Variants in URB1 observed in about 807,000 individuals in gnomAD.
URB1 encodes nucleolar pre-ribosomal-associated protein 1.
Under a neutral mutation model 242.3 loss-of-function variants are expected in URB1, and 197 were observed. The ratio of observed to expected loss-of-function variants is 0.81; its 90% CI spans 0.72 to 0.91. URB1 has a LOEUF of 0.91. Among genes scored for constraint, URB1 ranks in the 40% least tolerant of loss-of-function variants. The probability of loss-of-function intolerance (pLI) is 0.00; values close to 1 mark genes in which losing one functional copy is unlikely to be tolerated. For missense variants in URB1, 2,721 were observed against 2,860.5 expected (o/e 0.95, Z 1.11); for synonymous variants, 1,153 against 1,201.8 (o/e 0.96, Z 0.84).
chr21:32,358,774 C>T (rs2033252399), intron 14 of URB1, among the ~76,000 whole-genome samples: 1 of 152,190 alleles, frequency 6.6e-6, no homozygotes, highest in Admixed American at 6.5e-5. Flanking sequence ...CTCCCCAGGA[C>T]TGGTGGCAAT....
chr21:32,341,068 C>A (rs748511067), intron 25 of URB1, among the ~76,000 whole-genome samples: 4 of 151,198 alleles, frequency 2.6e-5, no homozygotes, highest in Non-Finnish European at 5.9e-5. Context: ...TGTTTAACAA[C>A]ATACTAACAC....
intron 8 of URB1, among the ~76,000 whole-genome samples, chr21:32,371,654 A>C (rs1390977297): frequency 6.6e-6 from 1 of 152,218 alleles, no homozygotes; most frequent in African/African-American, 2.4e-5. Context: ...ATTAGAAGTA[A>C]ATCAAACTGC....
chr21:32,361,018 T>C lies in URB1; in HGVS notation c.1745A>G (p.Lys582Arg), dbSNP rs2033276675. 2 of 1,549,278 alleles carry C rather than the reference T, an allele frequency of 1.3e-6. No homozygotes were observed. Among genetic ancestry groups the C allele is most frequent in the African/African-American group, 1.4e-5 (1 of 72,824 alleles). ...ACCTTGAAACCCACCTTTCAGGAGC[T>C]TGCTGAAGTCAAAGTTGTACTGCAT... ...VVMQYNFDFS[K>R]LLKGVISEQG... Residue 582 changes from lysine to arginine, a missense_variant, in exon 13 of 39, where the codon AAG becomes AGG. Transcript: ENST00000382751.
At position 32,317,923 on chromosome 21, in the gene URB1, T is replaced by C; in HGVS notation, c.5793-6A>G. On this transcript the variant is annotated splice_region_variant and splice_polypyrimidine_tract_variant and intron_variant, in intron 36 of 38. Coordinates refer to ENST00000382751, the MANE Select transcript of URB1 (RefSeq NM_014825.3). ...GGACGGGGGCCAAGGTGGGCCTGTTTGGGAGTCAATGTTACAGACTGAGCA... is the reference window on the plus strand; with the variant it reads ...GGACGGGGGCCAAGGTGGGCCTGTTCGGGAGTCAATGTTACAGACTGAGCA... 2 of 1,551,454 alleles carry C rather than the reference T, an allele frequency of 1.3e-6. No homozygotes were observed. Among genetic ancestry groups the C allele is most frequent in the Non-Finnish European group, 1.7e-6 (2 of 1,146,938 alleles).
At chr21:32,379,364 T>C (rs1051774068) in intron 4 of URB1, among the ~76,000 whole-genome samples, 1 of 152,256 alleles carries the variant, frequency 6.6e-6, no homozygotes, top group Non-Finnish European at 1.5e-5. Context: ...CCCAGCACTA[T>C]TCTCTACTTC....
chr21:32,323,548 A>G (rs2032792578), intron 32 of URB1, among the ~76,000 whole-genome samples: 1 of 152,270 alleles, frequency 6.6e-6, no homozygotes, highest in Non-Finnish European at 1.5e-5. Context: ...TGCAGTACTC[A>G]CATACCAAAA....
intron 1 of URB1, 144 bp from the exon 2 acceptor site, chr21:32,385,828 T>C (rs1290432087): frequency 8.3e-7 from 1 of 1,199,636 alleles, no homozygotes; most frequent in Admixed American, 3.0e-5. Flanking sequence ...TGCTATCAAC[T>C]TAACTGTTTC....
At chr21:32,364,999 C>T (rs999687535) in intron 10 of URB1, among the ~76,000 whole-genome samples, 5 of 152,236 alleles carry the variant, frequency 3.3e-5, no homozygotes, top group East Asian at 1.9e-4. Flanking sequence ...GAGACTCCTT[C>T]CTTGGAGCCA....
At chr21:32,363,458 T>C in intron 10 of URB1, 129 bp from the exon 11 acceptor site, 3 of 1,198,114 alleles carry the variant, frequency 2.5e-6, no homozygotes, top group Admixed American at 2.5e-5. Context: ...TGCTGGTCTC[T>C]ACGCTCTGAG....
rs184808667 is a variant in URB1 at position 32,322,486 on chromosome 21, C to T, written c.5332G>A (p.Asp1778Asn). 2.3e-5 allele frequency: 35 copies of T among 1,552,126 alleles called. No individual in the cohort carries two copies. The Middle Eastern group carries it at 2.2e-3, about 96-fold the overall frequency. Residue 1778 changes from aspartate to asparagine, a missense_variant, in exon 33 of 39, where the codon GAC (aspartate) becomes AAC (asparagine). Transcript: ENST00000382751. ...PGFYQFFYSS[D>N]FEQKTEQKWV... is the part of the protein sequence containing the mutation. ...GGACTCTGGAAGCATACCTCAAAGT[C>T]GGAGCTGTAGAAGAACTGGTAGAAG...
At chr21:32,374,267 T>A (rs2033435863) in intron 6 of URB1, among the ~76,000 whole-genome samples, 1 of 152,196 alleles carries the variant, frequency 6.6e-6, no homozygotes, top group Non-Finnish European at 1.5e-5. Context: ...CTTCATTGCA[T>A]CTGACTTTGG....
intron 30 of URB1, among the ~76,000 whole-genome samples, chr21:32,327,171 GAA>G (rs1311656642): frequency 1.3e-5 from 2 of 151,924 alleles, no homozygotes; most frequent in African/African-American, 4.8e-5. Flanking sequence ...ATATATAAAA[GAA>G]AATCACACGA....
chr21:32,384,174 G>A, intron 3 of URB1, 139 bp downstream of exon 3: 8 of 1,085,952 alleles, frequency 7.4e-6, no homozygotes, highest in East Asian at 2.6e-5. Flanking sequence ...GAAGGGGGCA[G>A]AGACTCGGTC....
Position 32,378,560 on chromosome 21 carries a change from C to T in URB1, c.568-19G>A. 6.5e-7 allele frequency: 1 copy of T among 1,542,720 alleles called. No homozygotes were observed. Among genetic ancestry groups the T allele is most frequent in the Non-Finnish European group, 8.8e-7 (1 of 1,138,908 alleles). The stretch of plus-strand genomic sequence containing the variant: ...ACACTCCCTAGAGGACAAAGGAGAC[C>T]TACATGTCACATGCATATTCCACAT... On this transcript the variant is annotated intron_variant, in intron 4 of 38. Transcript: ENST00000382751.
chr21:32,392,950 A>AG lies in URB1; in HGVS notation c.-41dup. ...AAGCGCGACGGAAACGACACACCTG[A>AG]GGGGACCCGGCAGGAGCACTGGCAC... is the stretch of plus-strand genomic sequence containing the variant. On this transcript the variant is annotated 5_prime_UTR_variant, in exon 1 of 39. Coordinates refer to ENST00000382751, the MANE Select transcript of URB1 (RefSeq NM_014825.3). 6.8e-7 allele frequency: 1 copy of AG among 1,464,012 alleles called. No individual in the cohort carries two copies. The highest frequency in any genetic ancestry group is 9.0e-7 in the Non-Finnish European group (1 of 1,107,762). The allele number at this position is 1,464,012 out of a possible 1,614,324, so 90.7% of individuals were successfully genotyped here.
intron 21 of URB1, among the ~76,000 whole-genome samples, chr21:32,348,849 G>T (rs79117451): frequency 0.017 from 2,609 of 152,312 alleles, 78 homozygotes; most frequent in African/African-American, 0.059. Flanking sequence ...TCCTGAACCC[G>T]GTAAAACAGG....
intron 18 of URB1, 82 bp from the exon 19 acceptor site, chr21:32,352,988 T>C (rs2123587376): frequency 1.4e-6 from 2 of 1,410,468 alleles, no homozygotes; most frequent in South Asian, 1.5e-5. Flanking sequence ...TTCTTCCACA[T>C]ACAGGCAAGA....
At chr21:32,341,547 A>G (rs1347476399) in intron 24 of URB1, 23 bp from the exon 25 acceptor site, 1 of 1,546,990 alleles carries the variant, frequency 6.5e-7, no homozygotes, top group East Asian at 2.4e-5. Flanking sequence ...TAAGTAAGAA[A>G]AACACATGAA....
At chr21:32,373,254 C>CA (rs1568829466) in intron 7 of URB1, among the ~76,000 whole-genome samples, 2 of 151,896 alleles carry the variant, frequency 1.3e-5, no homozygotes, top group African/African-American at 4.8e-5. Context: ...AACAAACAAA[C>CA]AAAAAACACA....
Sources: allele counts gnomAD v4.1 joint callset (sites outside exome capture counted in the v4.1 genomes callset), GRCh38; gene constraint gnomAD v4.1.1; transcripts MANE v1.5; gene names NCBI Gene and HGNC (gene_info 2026-07-23, HGNC 2026-07-21).